The following DEPDC1 variants were observed in gnomAD, a reference collection of about 807,000 sequenced individuals.
DEPDC1 encodes the protein DEP domain containing 1, also known as DEP domain-containing protein 1A.
In DEPDC1, 66 loss-of-function variants were observed where a neutral mutation model predicts 86.8. That is an observed-to-expected ratio of 0.76 (90% CI 0.62 to 0.93). The LOEUF (loss-of-function observed/expected upper bound fraction) is 0.93, where lower values mean the gene tolerates loss of function less well. Ranked by LOEUF, DEPDC1 falls within the 40% of genes least tolerant of loss-of-function variation. The probability of loss-of-function intolerance (pLI) is 0.00; values close to 1 mark genes in which losing one functional copy is unlikely to be tolerated. For synonymous variants in DEPDC1, 255 were observed against 314.9 expected (o/e 0.81, Z 2.02); for missense variants, 792 against 935.7 (o/e 0.85, Z 2.00).
At chr1:68,483,718 T>C (rs1249273700) in intron 7 of DEPDC1, among the ~76,000 whole-genome samples, 2 of 151,998 alleles carry the variant, frequency 1.3e-5, no homozygotes, top group Non-Finnish European at 2.9e-5. Flanking sequence ...CTTTTCTGAG[T>C]TCTGTGAATC....
intron 6 of DEPDC1, 48 bp downstream of exon 6, chr1:68,486,888 AC>A: frequency 8.8e-7 from 1 of 1,139,998 alleles, no homozygotes. Flanking sequence ...TATAACACAC[AC>A]ACACACACAC....
At chr1:68,485,994 A>C (rs1445340662) in intron 6 of DEPDC1, among the ~76,000 whole-genome samples, 1 of 152,122 alleles carries the variant, frequency 6.6e-6, no homozygotes, top group Non-Finnish European at 1.5e-5. Context: ...TTAAAAAATT[A>C]ACTTTGAAAG....
intron 2 of DEPDC1, among the ~76,000 whole-genome samples, chr1:68,492,793 C>T (rs1646238575): frequency 1.3e-5 from 2 of 151,976 alleles, no homozygotes; most frequent in African/African-American, 4.8e-5. Flanking sequence ...CAGAGAACTA[C>T]TTAGGGAGCA....
At position 68,476,096 on chromosome 1, in the gene DEPDC1, G is replaced by GTTAT. The variant is rs1477989236; in HGVS notation, c.*832_*835dup. The GTTAT allele has an allele frequency of 6.6e-6, 1 of 151,784 alleles. No individual in the cohort carries two copies. The highest frequency in any genetic ancestry group is 1.5e-5 in the Non-Finnish European group (1 of 67,790). The allele number at this position is 151,784 out of a possible 1,614,324, so 9.4% of individuals were successfully genotyped here. ...TGCCCTGATTTCAGTGGGTAGTGTT[G>GTTAT]TTATTTTAAACATCTGATAGGTGTA... On this transcript the variant is annotated 3_prime_UTR_variant, in exon 12 of 12. Transcript: ENST00000456315.
chr1:68,489,840 A>G (rs1033938486), intron 2 of DEPDC1, among the ~76,000 whole-genome samples: 1 of 151,986 alleles, frequency 6.6e-6, no homozygotes, highest in Non-Finnish European at 1.5e-5. Context: ...GGTTATTATT[A>G]GGGTCAATTC....
Position 68,481,380 on chromosome 1 carries a change from T to C in DEPDC1, c.1935+60A>G, listed in dbSNP as rs1646154078. On this transcript the variant is annotated intron_variant, in intron 9 of 11. Transcript: ENST00000456315. ...CACTTGAGTAGTACTTTTACGTAGT[T>C]TGGTTTTGTTATTTTGGTTTATGAA... 6 of 1,456,602 alleles carry C rather than the reference T, an allele frequency of 4.1e-6. No homozygotes were observed. The South Asian group carries it at 7.6e-5, about 18-fold the overall frequency. 90.2% of individuals were successfully genotyped at this position (1,456,602 alleles called of 1,614,324 possible). A position where few individuals can be genotyped will look rare whatever the true frequency, so the allele number is the denominator to read the frequency against.
intron 5 of DEPDC1, 111 bp from the exon 6 acceptor site, chr1:68,487,095 CA>C: frequency 2.3e-6 from 2 of 861,830 alleles, no homozygotes; most frequent in Non-Finnish European, 1.7e-6. Flanking sequence ...CATACACATA[CA>C]TGTTACATTT....
At position 68,479,284 on chromosome 1, in the gene DEPDC1, C is replaced by T. The variant is rs150030605; in HGVS notation, c.1972G>A (p.Ala658Thr). The change falls in exon 10 of 12, where the codon GCT becomes ACT. Residue 658 changes from alanine to threonine, a missense_variant. Coordinates refer to ENST00000456315, the MANE Select transcript of DEPDC1 (RefSeq NM_001114120.3). ...AGCTCATCAAGATCCACTTCTTCAG[C>T]ACAGCATAACACACATCGAGAAAAG... ...HTFSRCVLCC[A>T]EEVDLDELLA... 1.2e-6 allele frequency: 2 copies of T among 1,603,338 alleles called. No individual in the cohort carries two copies. Among genetic ancestry groups the T allele is most frequent in the Non-Finnish European group, 1.7e-6 (2 of 1,176,784 alleles).
chr1:68,478,332 T>C (rs2100241615), intron 10 of DEPDC1, among the ~76,000 whole-genome samples: 1 of 152,112 alleles, frequency 6.6e-6, no homozygotes, highest in Admixed American at 6.6e-5. Context: ...CTTTTAACTA[T>C]AAAATAACAA....
At chr1:68,481,899 T>C (rs1646158488) in intron 8 of DEPDC1, 147 bp downstream of exon 8, 2 of 818,028 alleles carry the variant, frequency 2.4e-6, no homozygotes, top group African/African-American at 3.5e-5. Flanking sequence ...AAATCTTGGT[T>C]ATGTCACAGA....
At position 68,479,283 on chromosome 1, in the gene DEPDC1, G is replaced by A. The variant is rs770782759; in HGVS notation, c.1973C>T (p.Ala658Val). ...AAGCTCATCAAGATCCACTTCTTCA[G>A]CACAGCATAACACACATCGAGAAAA... Reference protein sequence around the residue: ...HTFSRCVLCCAEEVDLDELLA... With the variant: ...HTFSRCVLCCVEEVDLDELLA... The change falls in exon 10 of 12, where the codon GCT becomes GTT. Residue 658 changes from alanine (A) to valine (V), a missense_variant. By Grantham distance (64) the Ala-to-Val change is moderately conservative (BLOSUM62 0). Coordinates refer to ENST00000456315, the MANE Select transcript of DEPDC1 (RefSeq NM_001114120.3). 3.9e-5 allele frequency: 63 copies of A among 1,611,878 alleles called. No homozygotes were observed. The highest frequency in any genetic ancestry group is 4.7e-5 in the Non-Finnish European group (56 of 1,178,960).
chr1:68,483,532 C>A (rs1646172481), intron 7 of DEPDC1: 1 of 321,816 alleles, frequency 3.1e-6, no homozygotes, highest in Non-Finnish European at 6.0e-6. Context: ...AACATGCAGG[C>A]TGAGGGAGTT....
At chr1:68,494,170 C>A (rs960579703) in intron 2 of DEPDC1, among the ~76,000 whole-genome samples, 1 of 152,116 alleles carries the variant, frequency 6.6e-6, no homozygotes, top group Admixed American at 6.6e-5. Context: ...TCAGAATATG[C>A]GGAAGTGATA....
rs1646102061 is a variant in DEPDC1, at chr1:68,474,551, G to A, written c.*2381C>T. 6.6e-6 allele frequency: 1 copy of A among 152,008 alleles called. No homozygotes were observed. The highest frequency in any genetic ancestry group is 2.1e-4 in the South Asian group (1 of 4,824). The allele number at this position is 152,008 out of a possible 1,614,324, so 9.4% of individuals were successfully genotyped here. A position where few individuals can be genotyped will look rare whatever the true frequency, so the allele number is the denominator to read the frequency against. On this transcript the variant is annotated 3_prime_UTR_variant, in exon 12 of 12. Transcript: ENST00000456315. ...CATCATCTGATCTGGTGAAACCTGTGCATTCCCACAATTAGGCTTTTTCAC... is the reference window on the plus strand; with the variant it reads ...CATCATCTGATCTGGTGAAACCTGTACATTCCCACAATTAGGCTTTTTCAC...
chr1:68,481,862 A>G, intron 8 of DEPDC1, 184 bp downstream of exon 8: 3 of 661,642 alleles, frequency 4.5e-6, no homozygotes, highest in Non-Finnish European at 6.9e-6. Context: ...TGCAAAAAAG[A>G]AAATAAGTTC....
At chr1:68,483,276 G>T (rs775044239) in intron 7 of DEPDC1, 3 of 521,700 alleles carry the variant, frequency 5.8e-6, no homozygotes, top group Non-Finnish European at 1.1e-5. Context: ...TTGGTACCTG[G>T]TATGGAGCTC....
chr1:68,492,839 G>A (rs1646238792), intron 2 of DEPDC1, among the ~76,000 whole-genome samples: 1 of 152,080 alleles, frequency 6.6e-6, no homozygotes, highest in East Asian at 1.9e-4. Context: ...ACAAGAAAGG[G>A]AAAGAATCAA....
At chr1:68,494,807 A>T in intron 1 of DEPDC1, 112 bp from the exon 2 acceptor site, 2 of 877,856 alleles carry the variant, frequency 2.3e-6, no homozygotes, top group Non-Finnish European at 3.4e-6. Flanking sequence ...ATTATATCAT[A>T]AAAATTCTTG....
intron 10 of DEPDC1, among the ~76,000 whole-genome samples, chr1:68,478,477 G>C (rs1646132160): frequency 6.6e-6 from 1 of 150,646 alleles, no homozygotes; most frequent in South Asian, 2.1e-4. Context: ...TAGGGACATA[G>C]GCAGAGCTTC....
Sources: gnomAD v4.1 joint callset for allele counts (sites outside exome capture counted in the v4.1 genomes callset) on GRCh38, gnomAD v4.1.1 for gene constraint, MANE v1.5 for transcripts, NCBI Gene and HGNC (gene_info 2026-07-23, HGNC 2026-07-21) for gene names.